FHIT: variants seen among roughly 807,000 people sequenced by gnomAD.
The protein encoded by FHIT is bis(5'-adenosyl)-triphosphatase.
A neutral mutation model predicts 17.9 loss-of-function variants in FHIT; 19 were observed. The observed-to-expected ratio is 1.06, with a 90% CI of 0.74 to 1.56. The LOEUF is 1.56. Ranked by LOEUF, FHIT falls within the 40% of genes most tolerant of loss-of-function variation. The probability of loss-of-function intolerance (pLI) is 0.00; values close to 1 mark genes in which losing one functional copy is unlikely to be tolerated. For synonymous variants in FHIT, 81 were observed against 69.7 expected, an observed-to-expected ratio of 1.16 and a Z score of -0.81; for missense variants, 248 against 189.2, an observed-to-expected ratio of 1.31 and a Z score of -1.82.
intron 5 of FHIT, among the ~76,000 whole-genome samples, chr3:60,466,063 A>G (rs2032773170): frequency 6.6e-6 from 1 of 151,880 alleles, no homozygotes; most frequent in Admixed American, 6.6e-5. Flanking sequence ...TCAATTTTTT[A>G]CATCAATGTT....
At chr3:60,031,439 G>C (rs559727727) in intron 5 of FHIT, among the ~76,000 whole-genome samples, 17 of 152,256 alleles carry the variant, frequency 1.1e-4, no homozygotes, top group Admixed American at 3.3e-4. Context: ...GTAAATGGTA[G>C]AACAGAATCT....
intron 3 of FHIT, among the ~76,000 whole-genome samples, chr3:61,011,496 TA>T (rs1341265671): frequency 2.6e-5 from 4 of 152,090 alleles, no homozygotes; most frequent in African/African-American, 9.7e-5. Context: ...ATCAACACAC[TA>T]AATGGCCCTA....
intron 5 of FHIT, among the ~76,000 whole-genome samples, chr3:60,058,076 G>A (rs1189106336): frequency 1.3e-5 from 2 of 151,572 alleles, no homozygotes; most frequent in African/African-American, 4.8e-5. Context: ...GGCTGGGGGA[G>A]GGAGAAAGTA....
Position 60,602,959 on chromosome 3 carries a change from T to C in FHIT, c.-17-65980A>G, listed in dbSNP as rs546466020. 7.2e-5 allele frequency among the ~76,000 whole-genome samples: 11 copies of C among 152,306 alleles called. No individual in the cohort carries two copies. The East Asian group carries it at 2.1e-3, about 29-fold the overall frequency. On this transcript the variant is annotated intron_variant, in intron 4 of 9. Coordinates refer to ENST00000492590, the MANE Select transcript of FHIT (RefSeq NM_002012.4). ...TACCTTGATCTTAGACTTCCCAGTCTCTATAACTGCAAGAAATATATTTCT... is the reference window on the plus strand; with the variant it reads ...TACCTTGATCTTAGACTTCCCAGTCCCTATAACTGCAAGAAATATATTTCT...
At chr3:60,323,130 C>A (rs1305761958) in intron 5 of FHIT, among the ~76,000 whole-genome samples, 1 of 152,110 alleles carries the variant, frequency 6.6e-6, no homozygotes, top group Admixed American at 6.5e-5. Context: ...TGTCTTAAAA[C>A]CAAATTGTTA....
At chr3:60,555,188 G>A (rs986769132) in intron 4 of FHIT, among the ~76,000 whole-genome samples, 5 of 152,124 alleles carry the variant, frequency 3.3e-5, no homozygotes, top group South Asian at 2.1e-4. Flanking sequence ...ATCCAAAGCC[G>A]TCCCAAACTA....
chr3:60,629,779 TAAG>T (rs2039391301), intron 4 of FHIT, among the ~76,000 whole-genome samples: 1 of 152,182 alleles, frequency 6.6e-6, no homozygotes, highest in South Asian at 2.1e-4. Context: ...CTGCCTCTAT[TAAG>T]AAGTCCCAAG....
intron 2 of FHIT, among the ~76,000 whole-genome samples, chr3:61,063,747 C>T (rs930326834): frequency 6.6e-6 from 1 of 152,054 alleles, no homozygotes; most frequent in African/African-American, 2.4e-5. Flanking sequence ...GGGAAGAAGG[C>T]AATACTCTCA....
chr3:60,257,838 G>C (rs1706080801), intron 5 of FHIT, among the ~76,000 whole-genome samples: 1 of 152,116 alleles, frequency 6.6e-6, no homozygotes, highest in Non-Finnish European at 1.5e-5. Flanking sequence ...AGTGGGAGCT[G>C]AATTATGAGA....
At chr3:60,091,389 T>G (rs1259846820) in intron 5 of FHIT, among the ~76,000 whole-genome samples, 3 of 152,176 alleles carry the variant, frequency 2.0e-5, no homozygotes, top group Non-Finnish European at 4.4e-5. Context: ...GTTCAGGTTC[T>G]AGAACTTGCT....
At chr3:60,576,949 T>TACACACACATACACACACACAC (rs1553657819) in intron 4 of FHIT, among the ~76,000 whole-genome samples, 60 of 146,848 alleles carry the variant, frequency 4.1e-4, no homozygotes, top group African/African-American at 1.5e-3. Context: ...TCCATTTGCA[T>TACACACACATACACACACACAC]ACACACACAC....
intron 5 of FHIT, among the ~76,000 whole-genome samples, chr3:60,430,719 T>C (rs1559906787): frequency 6.6e-6 from 1 of 152,262 alleles, no homozygotes; most frequent in Non-Finnish European, 1.5e-5. Flanking sequence ...CACCAACTTC[T>C]TGATGACTCT....
intron 2 of FHIT, among the ~76,000 whole-genome samples, chr3:61,047,658 G>T (rs1559939150): frequency 6.6e-6 from 1 of 152,152 alleles, no homozygotes; most frequent in Admixed American, 6.5e-5. Flanking sequence ...AACCAAAAAA[G>T]AGCCCACATT....
At chr3:59,996,223 A>C (rs893352805) in intron 7 of FHIT, among the ~76,000 whole-genome samples, 8 of 152,124 alleles carry the variant, frequency 5.3e-5, no homozygotes, top group Admixed American at 2.6e-4. Flanking sequence ...CCAAGGAAAC[A>C]CATGCAAATA....
At chr3:60,962,044 A>G (rs62267343) in intron 3 of FHIT, among the ~76,000 whole-genome samples, 2 of 151,982 alleles carry the variant, frequency 1.3e-5, no homozygotes, top group Non-Finnish European at 2.9e-5. Flanking sequence ...CACGATATTG[A>G]TTCTTCCTAC....
Position 59,752,316 on chromosome 3 carries a change from C to A in FHIT, c.354G>T (p.Gln118His). The A allele has an allele frequency of 6.2e-7, 1 of 1,610,650 alleles. No homozygotes were observed. Among genetic ancestry groups the A allele is most frequent in the African/African-American group, 1.3e-5 (1 of 74,774 alleles). The change falls in exon 9 of 10, where the codon CAG becomes CAT. Residue 118 changes from glutamine (Q) to histidine (H), a missense_variant. Coordinates refer to ENST00000492590, the MANE Select transcript of FHIT (RefSeq NM_002012.4). ...HRNDSIYEEL[Q>H]KHDKEDFPAS... ...CAGGAAAGTCCTCCTTGTCATGTTT[C>A]TGGAGCTTTGGAGAAAAAAAAAGGA...
chr3:59,922,027 G>A (rs1705430023), intron 8 of FHIT, among the ~76,000 whole-genome samples: 1 of 152,200 alleles, frequency 6.6e-6, no homozygotes, highest in African/African-American at 2.4e-5. Context: ...TGGTAGCACT[G>A]TAGGTTTTCT....
chr3:60,931,838 A>G (rs1707971936), intron 3 of FHIT, among the ~76,000 whole-genome samples: 1 of 152,228 alleles, frequency 6.6e-6, no homozygotes. Flanking sequence ...AGTGGATGCT[A>G]GAAATAATAA....
chr3:60,334,985 C>G lies in FHIT; in HGVS notation c.103+201875G>C, dbSNP rs142708389. Among the ~76,000 whole-genome samples, 1,175 of 152,156 alleles carry G rather than the reference C, an allele frequency of 7.7e-3. 17 individuals carry two copies. Among genetic ancestry groups the G allele is most frequent in the African/African-American group, 0.027 (1,125 of 41,516 alleles). ...TGAAAATAGTCCCATACAATGTACC[C>G]AACAAAACTTCCTTTTTCAAAATTT... On this transcript the variant is annotated intron_variant, in intron 5 of 9. Transcript: ENST00000492590.
Sources: allele counts gnomAD v4.1 joint callset (sites outside exome capture counted in the v4.1 genomes callset), GRCh38; gene constraint gnomAD v4.1.1; transcripts MANE v1.5; gene names NCBI Gene and HGNC (gene_info 2026-07-23, HGNC 2026-07-21).